Variants in BCAS3 observed in about 807,000 individuals in gnomAD.
BCAS3 encodes BCAS3 microtubule associated cell migration factor, also known as BCAS4/BCAS3 fusion.
A neutral mutation model predicts 116.1 loss-of-function variants in BCAS3; 53 were observed. The ratio of observed to expected loss-of-function variants is 0.46; its 90% CI spans 0.37 to 0.57. The LOEUF (loss-of-function observed/expected upper bound fraction) is 0.57. BCAS3 is among the 20% of genes least tolerant of loss of function. The pLI is 0.00. For missense variants in BCAS3, 917 were observed against 1,165.4 expected, an observed-to-expected ratio of 0.79 and a Z score of 3.10; for synonymous variants, 391 against 408.2, an observed-to-expected ratio of 0.96 and a Z score of 0.51.
At chr17:61,374,984 T>C (rs1177956358) in intron 23 of BCAS3, among the ~76,000 whole-genome samples, 1 of 152,226 alleles carries the variant, frequency 6.6e-6, no homozygotes, top group African/African-American at 2.4e-5. Flanking sequence ...TATGTATTAA[T>C]TACTCTGCAG....
At chr17:60,740,023 CTTT>C (rs2041377358) in intron 5 of BCAS3, among the ~76,000 whole-genome samples, 1 of 151,672 alleles carries the variant, frequency 6.6e-6, no homozygotes, top group African/African-American at 2.4e-5. Context: ...AAGATTTTTT[CTTT>C]ATCTTTGATT....
rs1241698883 is a variant in BCAS3 at position 61,139,663 on chromosome 17, T to A, written c.2425+55099T>A. On this transcript the variant is annotated intron_variant, in intron 22 of 23. Coordinates refer to ENST00000407086, the MANE Select transcript of BCAS3 (RefSeq NM_017679.5). The surrounding 1 kb of genome is among the most constrained non-coding windows in gnomAD (Gnocchi z 4.7). ...ATACATGCAGTATAGTTCAGTGCGATTAAAAGTCATCATGCTACATGATGT... is the reference window on the plus strand; with the variant it reads ...ATACATGCAGTATAGTTCAGTGCGAATAAAAGTCATCATGCTACATGATGT... 6.6e-6 allele frequency among the ~76,000 whole-genome samples: 1 copy of A among 152,172 alleles called. No individual in the cohort carries two copies. The highest frequency in any genetic ancestry group is 1.5e-5 in the Non-Finnish European group (1 of 68,040).
At chr17:60,679,656 T>C (rs1217627533) in intron 2 of BCAS3, 116 bp downstream of exon 2, 3 of 792,546 alleles carry the variant, frequency 3.8e-6, no homozygotes, top group Non-Finnish European at 6.2e-6. Flanking sequence ...ACTGTTGGCT[T>C]TATGGGATGA....
At chr17:60,856,168 A>T (rs563530964) in intron 7 of BCAS3, among the ~76,000 whole-genome samples, 1 of 152,290 alleles carries the variant, frequency 6.6e-6, no homozygotes, top group African/African-American at 2.4e-5. Context: ...CATCTTTTCC[A>T]TTGCCTTTTA....
intron 6 of BCAS3, among the ~76,000 whole-genome samples, chr17:60,769,093 G>C (rs1485983561): frequency 1.3e-5 from 2 of 152,196 alleles, no homozygotes; most frequent in Admixed American, 6.5e-5. Flanking sequence ...GGAGTGGTCA[G>C]GTGCCAGTGG....
At chr17:61,109,772 C>G (rs537507328) in intron 22 of BCAS3, among the ~76,000 whole-genome samples, 1 of 152,302 alleles carries the variant, frequency 6.6e-6, no homozygotes, top group East Asian at 1.9e-4. Flanking sequence ...CCTTAACCCA[C>G]TTTTTGATGT....
chr17:61,247,422 TA>T (rs1568661382), intron 22 of BCAS3, among the ~76,000 whole-genome samples: 1 of 152,192 alleles, frequency 6.6e-6, no homozygotes. Flanking sequence ...GTCTTTGAGG[TA>T]AAAAGTTCTG....
At chr17:61,268,827 G>T (rs1321981357) in intron 22 of BCAS3, among the ~76,000 whole-genome samples, 1 of 152,030 alleles carries the variant, frequency 6.6e-6, no homozygotes, top group Non-Finnish European at 1.5e-5. Context: ...CAAAGTGCTG[G>T]GATTACAGGC....
At chr17:61,153,268 A>G (rs1409310769) in intron 22 of BCAS3, among the ~76,000 whole-genome samples, 1 of 152,184 alleles carries the variant, frequency 6.6e-6, no homozygotes, top group East Asian at 1.9e-4. Context: ...CTTGTCCTTC[A>G]GTGTGGTAAT....
At chr17:61,119,790 C>A (rs1356232892) in intron 22 of BCAS3, among the ~76,000 whole-genome samples, 1 of 151,960 alleles carries the variant, frequency 6.6e-6, no homozygotes, top group East Asian at 1.9e-4. Flanking sequence ...AACTTATCAA[C>A]AGATCAGACA....
At chr17:61,267,100 C>G (rs139455552) in intron 22 of BCAS3, among the ~76,000 whole-genome samples, 2,740 of 152,220 alleles carry the variant, frequency 0.018, 31 homozygotes, top group South Asian at 0.037. Flanking sequence ...CTCTGTCGCC[C>G]AGGCTGGAGT....
At chr17:60,906,291 G>T (rs1488298796) in intron 11 of BCAS3, among the ~76,000 whole-genome samples, 2 of 152,136 alleles carry the variant, frequency 1.3e-5, no homozygotes, top group Admixed American at 1.3e-4. Context: ...TTGAGTTTGG[G>T]ATGACAGTGG....
At chr17:60,939,000 G>C (rs1427213470) in intron 13 of BCAS3, among the ~76,000 whole-genome samples, 2 of 152,164 alleles carry the variant, frequency 1.3e-5, no homozygotes, top group Non-Finnish European at 2.9e-5. Flanking sequence ...TTGGAAAATA[G>C]TTTGGCAGTT....
chr17:60,728,916 A>G (rs1359341936), intron 5 of BCAS3, among the ~76,000 whole-genome samples: 2 of 152,234 alleles, frequency 1.3e-5, no homozygotes, highest in East Asian at 1.9e-4. Flanking sequence ...GCTTGTGTGT[A>G]TACACAAGTA....
At chr17:61,218,293 C>T (rs1409965496) in intron 22 of BCAS3, among the ~76,000 whole-genome samples, 1 of 152,072 alleles carries the variant, frequency 6.6e-6, no homozygotes, top group African/African-American at 2.4e-5. Context: ...TTTTCCTAGC[C>T]GAAAGACTGA....
chr17:61,325,604 C>T lies in BCAS3; in HGVS notation c.2426-42723C>T, dbSNP rs1358332139. Among the ~76,000 whole-genome samples the T allele has an allele frequency of 3.9e-5, 6 of 152,168 alleles. No homozygotes were observed. Among genetic ancestry groups the T allele is most frequent in the Non-Finnish European group, 8.8e-5 (6 of 68,026 alleles). On this transcript the variant is annotated intron_variant, in intron 22 of 23. Coordinates refer to ENST00000407086, the MANE Select transcript of BCAS3 (RefSeq NM_017679.5). The surrounding 1 kb of genome is among the most constrained non-coding windows in gnomAD (Gnocchi z 6.4). ...GAACAGCAGGCAGCACAGCCACTGC[C>T]GCAGGGAGCATTGATATATGGCCCA...
In BCAS3 at chr17:61,021,312, A is replaced by G. The variant is rs1042004956; in HGVS notation, c.1637+5411A>G. Among the ~76,000 whole-genome samples, 4 of 152,148 alleles carry G rather than the reference A, an allele frequency of 2.6e-5. No homozygotes were observed. Among genetic ancestry groups the G allele is most frequent in the Non-Finnish European group, 2.9e-5 (2 of 68,026 alleles). Reference sequence around the variant, plus strand: ...TGGTCTCAAGTGATCCAACTGCCTTAGCCTCCCAAAGTGCTGGGATTATAG... The same window carrying G: ...TGGTCTCAAGTGATCCAACTGCCTTGGCCTCCCAAAGTGCTGGGATTATAG... On this transcript the variant is annotated intron_variant, in intron 16 of 23. Coordinates refer to ENST00000407086, the MANE Select transcript of BCAS3 (RefSeq NM_017679.5). The surrounding 1 kb of genome is among the most constrained non-coding windows in gnomAD (Gnocchi z 4.6).
chr17:61,008,434 T>G lies in BCAS3; in HGVS notation c.1487-7317T>G, dbSNP rs902236809. ...TATTGAGAGTTTGGTTGAAAAAACTTTAATGTTAAATTGGATGGCAAGCAA... is the reference window on the plus strand; with the variant it reads ...TATTGAGAGTTTGGTTGAAAAAACTGTAATGTTAAATTGGATGGCAAGCAA... On this transcript the variant is annotated intron_variant, in intron 15 of 23. Coordinates refer to ENST00000407086, the MANE Select transcript of BCAS3 (RefSeq NM_017679.5). The surrounding 1 kb of genome is among the most constrained non-coding windows in gnomAD (Gnocchi z 4.6). Among the ~76,000 whole-genome samples, 1 of 152,034 alleles carries G rather than the reference T, an allele frequency of 6.6e-6. No individual in the cohort carries two copies. Among genetic ancestry groups the G allele is most frequent in the African/African-American group, 2.4e-5 (1 of 41,412 alleles).
chr17:60,693,773 G>A (rs561482738), intron 4 of BCAS3, among the ~76,000 whole-genome samples: 7 of 151,588 alleles, frequency 4.6e-5, no homozygotes, highest in Non-Finnish European at 1.0e-4. Context: ...ATGTTCAACA[G>A]GCCCTTTTTT....
Sources: gnomAD v4.1 joint callset for allele counts (sites outside exome capture counted in the v4.1 genomes callset) on GRCh38, gnomAD v4.1.1 for gene constraint, Gnocchi (gnomAD v3.1) non-coding constraint, MANE v1.5 for transcripts, NCBI Gene and HGNC (gene_info 2026-07-23, HGNC 2026-07-21) for gene names.